The following XKR4 variants were observed in gnomAD, a reference collection of about 807,000 sequenced individuals.
XKR4 encodes the protein XK-related protein 4.
XKR4 carries 12 observed loss-of-function variants against 53.9 expected under a neutral mutation model. That is an observed-to-expected ratio of 0.22 (90% CI 0.14 to 0.36). XKR4 has a LOEUF of 0.36. Ranked by LOEUF, XKR4 falls within the 10% of genes least tolerant of loss-of-function variation. The pLI is 1.00. For synonymous variants in XKR4, 354 were observed against 362.4 expected, an observed-to-expected ratio of 0.98 and a Z score of 0.26; for missense variants, 799 against 859.5, an observed-to-expected ratio of 0.93 and a Z score of 0.88.
chr8:55,240,292 A>C (rs1818193432), intron 1 of XKR4, among the ~76,000 whole-genome samples: 1 of 152,260 alleles, frequency 6.6e-6, no homozygotes, highest in South Asian at 2.1e-4. Context: ...ATACATAAGA[A>C]GCTAAATGAA....
intron 2 of XKR4, among the ~76,000 whole-genome samples, chr8:55,465,685 C>T (rs1396079157): frequency 1.3e-5 from 2 of 152,058 alleles, no homozygotes; most frequent in Admixed American, 1.3e-4. Flanking sequence ...AAACCACCAT[C>T]AGAGTGAACA....
chr8:55,387,704 G>C (rs1339635326), intron 2 of XKR4, among the ~76,000 whole-genome samples: 1 of 152,200 alleles, frequency 6.6e-6, no homozygotes, highest in African/African-American at 2.4e-5. Flanking sequence ...GCTACTACAA[G>C]TGGGAGACTG....
chr8:55,411,648 G>T lies in XKR4; in HGVS notation c.1006+53771G>T, dbSNP rs145010640. On this transcript the variant is annotated intron_variant, in intron 2 of 2. Coordinates refer to ENST00000327381, the MANE Select transcript of XKR4 (RefSeq NM_052898.2). ...AAGCCCATTGACTCTGTGGGAATGA[G>T]GTCAGACTCGTAAAGGAGGCCAGCA... 1.6e-3 allele frequency among the ~76,000 whole-genome samples: 240 copies of T among 152,322 alleles called. 4 individuals are homozygous for T. In the South Asian group the frequency reaches 0.039, roughly 25 times the overall value.
intron 2 of XKR4, among the ~76,000 whole-genome samples, chr8:55,490,993 T>A (rs2129402164): frequency 6.6e-6 from 1 of 152,056 alleles, no homozygotes; most frequent in East Asian, 1.9e-4. Context: ...TATTGTTTCA[T>A]AGCTTACTGA....
intron 1 of XKR4, among the ~76,000 whole-genome samples, chr8:55,168,912 T>C (rs1313582762): frequency 2.0e-5 from 3 of 152,242 alleles, no homozygotes; most frequent in African/African-American, 7.2e-5. Context: ...TAACCAGTCA[T>C]GTGGAATAGT....
chr8:55,486,191 A>C (rs1806189054), intron 2 of XKR4, among the ~76,000 whole-genome samples: 1 of 152,212 alleles, frequency 6.6e-6, no homozygotes, highest in African/African-American at 2.4e-5. Context: ...TTGGTGCATA[A>C]TTGTGTGCAC....
chr8:55,418,827 C>T (rs916517717), intron 2 of XKR4, among the ~76,000 whole-genome samples: 1 of 152,124 alleles, frequency 6.6e-6, no homozygotes, highest in Non-Finnish European at 1.5e-5. Flanking sequence ...TGAAAGTCGC[C>T]TTCTCATCAC....
chr8:55,533,343 C>G lies in XKR4; in HGVS notation c.*9116C>G, dbSNP rs1218668249. On this transcript the variant is annotated 3_prime_UTR_variant, in exon 3 of 3. Transcript: ENST00000327381. ...CTTAACATAACCAAAAAAAGGAGAC[C>G]TGTCAGCTAGTGAAAGAATTGTCAT... The G allele has an allele frequency of 6.6e-6, 1 of 152,158 alleles. No homozygotes were observed. Among genetic ancestry groups the G allele is most frequent in the East Asian group, 1.9e-4 (1 of 5,202 alleles). 9.4% of individuals were successfully genotyped at this position (152,158 alleles called of 1,614,324 possible).
At chr8:55,507,165 T>C (rs543372934) in intron 2 of XKR4, among the ~76,000 whole-genome samples, 1 of 152,348 alleles carries the variant, frequency 6.6e-6, no homozygotes, top group East Asian at 1.9e-4. Context: ...TATAACAGCA[T>C]TGCCAAATTT....
chr8:55,480,574 A>C (rs1806085173), intron 2 of XKR4, among the ~76,000 whole-genome samples: 1 of 152,120 alleles, frequency 6.6e-6, no homozygotes, highest in Admixed American at 6.5e-5. Flanking sequence ...GGAGAAGGAA[A>C]TAAAGGGTAT....
chr8:55,312,639 A>T (rs1266676886), intron 1 of XKR4, among the ~76,000 whole-genome samples: 1 of 152,214 alleles, frequency 6.6e-6, no homozygotes, highest in Admixed American at 6.5e-5. Context: ...TGTCGGTAGA[A>T]CAATAGTCCA....
intron 1 of XKR4, among the ~76,000 whole-genome samples, chr8:55,205,362 T>C (rs935464844): frequency 3.3e-5 from 5 of 151,492 alleles, no homozygotes; most frequent in Admixed American, 6.6e-5. Context: ...AAATTTGTTG[T>C]CATAAAATTA....
chr8:55,452,866 C>T, intron 2 of XKR4: 2 of 774,714 alleles, frequency 2.6e-6, no homozygotes, highest in East Asian at 2.5e-5. Flanking sequence ...TTGCTGCTGT[C>T]CAGAGGCAGC....
At chr8:55,250,263 G>A (rs1227999348) in intron 1 of XKR4, among the ~76,000 whole-genome samples, 3 of 152,102 alleles carry the variant, frequency 2.0e-5, no homozygotes, top group African/African-American at 7.2e-5. Flanking sequence ...GCTGCAGCAG[G>A]TCAGTTTCCA....
intron 1 of XKR4, among the ~76,000 whole-genome samples, chr8:55,233,109 A>T (rs1818066944): frequency 6.6e-6 from 1 of 152,194 alleles, no homozygotes; most frequent in South Asian, 2.1e-4. Flanking sequence ...CAGGCAACTG[A>T]TTGTAAATTA....
intron 1 of XKR4, among the ~76,000 whole-genome samples, chr8:55,267,097 C>T (rs192397366): frequency 1.3e-3 from 202 of 152,144 alleles, no homozygotes; most frequent in African/African-American, 4.6e-3. Context: ...TTTAGTATAA[C>T]CAGAGCATGA....
chr8:55,406,385 G>C, intron 2 of XKR4, among the ~76,000 whole-genome samples: 1 of 152,178 alleles, frequency 6.6e-6, no homozygotes, highest in Non-Finnish European at 1.5e-5. Context: ...TTCAATCCTC[G>C]CATCACCTCT....
At chr8:55,169,460 C>G (rs1367842112) in intron 1 of XKR4, among the ~76,000 whole-genome samples, 3 of 152,186 alleles carry the variant, frequency 2.0e-5, no homozygotes, top group Admixed American at 6.5e-5. Flanking sequence ...AGAAGGGTAT[C>G]GACTCAATGT....
chr8:55,371,878 G>A (rs1804073864), intron 2 of XKR4, among the ~76,000 whole-genome samples: 1 of 152,246 alleles, frequency 6.6e-6, no homozygotes, highest in African/African-American at 2.4e-5. Flanking sequence ...TAGCTTTGAA[G>A]TTGAATCATT....
Sources: gnomAD v4.1 joint callset for allele counts (sites outside exome capture counted in the v4.1 genomes callset) on GRCh38, gnomAD v4.1.1 for gene constraint, MANE v1.5 for transcripts, NCBI Gene and HGNC (gene_info 2026-07-23, HGNC 2026-07-21) for gene names.